DENND2A: variants seen among roughly 807,000 people sequenced by gnomAD.
The protein encoded by DENND2A is DENN domain-containing protein 2A.
Under a neutral mutation model 105.3 loss-of-function variants are expected in DENND2A, and 53 were observed. That is an observed-to-expected ratio of 0.50 (90% CI 0.40 to 0.63). The LOEUF is 0.63. Among genes scored for constraint, DENND2A ranks in the 30% least tolerant of loss-of-function variants. DENND2A has a pLI of 0.00. For synonymous variants in DENND2A, 522 were observed against 508.4 expected (o/e 1.03, Z -0.36); for missense variants, 1,138 against 1,279.6 (o/e 0.89, Z 1.69).
intron 14 of DENND2A, among the ~76,000 whole-genome samples, chr7:140,542,369 T>C (rs1395203793): frequency 2.0e-5 from 3 of 151,850 alleles, no homozygotes; most frequent in Non-Finnish European, 4.4e-5. Context: ...GGGCACTGAG[T>C]TTGTGTGTGT....
At chr7:140,519,512 C>T (rs539076024) in intron 19 of DENND2A, 120 bp downstream of exon 19, 8 of 788,552 alleles carry the variant, frequency 1.0e-5, no homozygotes, top group South Asian at 1.7e-5. Context: ...ATCTGCCCAG[C>T]GCAGGCCGTA....
Position 140,527,608 on chromosome 7 carries a change from A to T in DENND2A, c.2328-113T>A, listed in dbSNP as rs1796111258. ...GATGACTAGGAAAGGACACACGTGG[A>T]TGTGGATCCGGTGGAGCACATGATG... On this transcript the variant is annotated intron_variant, in intron 14 of 19. Coordinates refer to ENST00000496613, the MANE Select transcript of DENND2A (RefSeq NM_015689.5). This position sits in a 1 kb window ranked among gnomAD's most constrained non-coding sequence, Gnocchi z 4.9. 6 of 1,153,104 alleles carry T rather than the reference A, an allele frequency of 5.2e-6. No individual in the cohort carries two copies. The highest frequency in any genetic ancestry group is 4.7e-5 in the African/African-American group (3 of 64,070). The allele number at this position is 1,153,104 out of a possible 1,614,324, so 71.4% of individuals were successfully genotyped here.
intron 1 of DENND2A, among the ~76,000 whole-genome samples, chr7:140,625,676 C>T (rs1301475069): frequency 1.3e-5 from 2 of 151,900 alleles, no homozygotes; most frequent in African/African-American, 4.8e-5. Context: ...AGCGAGACTC[C>T]GCCTCAAAAA....
intron 15 of DENND2A, among the ~76,000 whole-genome samples, chr7:140,526,274 G>T (rs908268953): frequency 6.6e-6 from 1 of 152,182 alleles, no homozygotes; most frequent in Non-Finnish European, 1.5e-5. Context: ...ACTGCTGAAG[G>T]CTTTCAGGAT....
chr7:140,550,134 T>A (rs1046310063), intron 12 of DENND2A, among the ~76,000 whole-genome samples: 1 of 1,270 alleles, frequency 7.9e-4, no homozygotes, highest in Non-Finnish European at 1.7e-3. Context: ...GGGATAGGGG[T>A]GGGGTTAGGG....
intron 5 of DENND2A, among the ~76,000 whole-genome samples, chr7:140,579,629 T>C (rs1798452782): frequency 6.6e-6 from 1 of 151,928 alleles, no homozygotes; most frequent in South Asian, 2.1e-4. Flanking sequence ...CTGACCTCAG[T>C]TGATTCGCCT....
At position 140,640,128 on chromosome 7, in the gene DENND2A, C is replaced by T. The variant is rs910061414; in HGVS notation, c.-248+376G>A. 6.5e-6 allele frequency: 1 copy of T among 152,716 alleles called. No individual in the cohort carries two copies. The highest frequency in any genetic ancestry group is 1.5e-5 in the Non-Finnish European group (1 of 68,528). 9.5% of individuals were successfully genotyped at this position (152,716 alleles called of 1,614,324 possible). A position where few individuals can be genotyped will look rare whatever the true frequency, so the allele number is the denominator to read the frequency against. ...ACACTCACACACACTCGCACAGACA[C>T]ACTCACACACAGACACACAAGCGCG... On this transcript the variant is annotated intron_variant, in intron 1 of 19. Coordinates refer to ENST00000496613, the MANE Select transcript of DENND2A (RefSeq NM_015689.5). The surrounding 1 kb of genome is among the most constrained non-coding windows in gnomAD (Gnocchi z 4.9).
intron 8 of DENND2A, 49 bp downstream of exon 8, chr7:140,568,714 A>C: frequency 1.2e-6 from 2 of 1,604,638 alleles, no homozygotes; most frequent in African/African-American, 2.7e-5. Flanking sequence ...CCACCTTTGC[A>C]GCTTCCAAGT....
intron 12 of DENND2A, among the ~76,000 whole-genome samples, chr7:140,551,299 C>CAAAAAAAAA (rs529992901): frequency 1.4e-5 from 1 of 71,742 alleles, no homozygotes; most frequent in African/African-American, 5.2e-5. Flanking sequence ...GACTCCATCT[C>CAAAAAAAAA]AAAAAAAAAA....
intron 16 of DENND2A, among the ~76,000 whole-genome samples, chr7:140,524,398 AT>A (rs1175176112): frequency 1.3e-5 from 2 of 152,202 alleles, no homozygotes; most frequent in African/African-American, 4.8e-5. Context: ...CATTATAAAA[AT>A]ATATGAATGT....
Position 140,640,712 on chromosome 7 carries a change from C to A in DENND2A, c.-456G>T. ...CCCGCCGCGCGCGCTCCCGTGGGGT[C>A]CCCGCCGCCCCCGGCCCCAGCGGCG... On this transcript the variant is annotated 5_prime_UTR_variant, in exon 1 of 20. Coordinates refer to ENST00000496613, the MANE Select transcript of DENND2A (RefSeq NM_015689.5). This position sits in a 1 kb window ranked among gnomAD's most constrained non-coding sequence, Gnocchi z 4.9. The A allele has an allele frequency of 6.7e-6, 1 of 149,370 alleles. No homozygotes were observed. Among genetic ancestry groups the A allele is most frequent in the South Asian group, 1.9e-4 (1 of 5,150 alleles). The allele number at this position is 149,370 out of a possible 1,614,324, so 9.3% of individuals were successfully genotyped here. A position where few individuals can be genotyped will look rare whatever the true frequency, so the allele number is the denominator to read the frequency against.
At chr7:140,602,694 A>G (rs1040684122) in intron 2 of DENND2A, among the ~76,000 whole-genome samples, 152 bp from the exon 3 acceptor site, 1 of 152,136 alleles carries the variant, frequency 6.6e-6, no homozygotes, top group African/African-American at 2.4e-5. Flanking sequence ...CTTTGTGGGC[A>G]GGGTGCAGTG....
chr7:140,620,715 C>T (rs778208948), intron 1 of DENND2A, among the ~76,000 whole-genome samples: 24 of 152,234 alleles, frequency 1.6e-4, no homozygotes, highest in Non-Finnish European at 2.6e-4. Context: ...CACTCCGCAC[C>T]GGTTTTGCTT....
chr7:140,635,871 C>T (rs899864676), intron 1 of DENND2A, among the ~76,000 whole-genome samples: 1 of 152,206 alleles, frequency 6.6e-6, no homozygotes, highest in Non-Finnish European at 1.5e-5. Context: ...AACTGTTGCC[C>T]ACGTCAGACA....
chr7:140,528,567 C>G (rs185519345), intron 14 of DENND2A, among the ~76,000 whole-genome samples: 1 of 151,496 alleles, frequency 6.6e-6, no homozygotes, highest in African/African-American at 2.4e-5. Flanking sequence ...GTCAGGAGTT[C>G]GAGACCAGCC....
chr7:140,519,119 C>A (rs1048107320), intron 19 of DENND2A, among the ~76,000 whole-genome samples: 10 of 152,196 alleles, frequency 6.6e-5, no homozygotes, highest in African/African-American at 2.2e-4. Flanking sequence ...ACAGATATGG[C>A]GCCCTTCACA....
rs369444611 is a variant in DENND2A, at chr7:140,627,084, T to C, written c.-248+13420A>G. On this transcript the variant is annotated intron_variant, in intron 1 of 19. Transcript: ENST00000496613. The stretch of plus-strand genomic sequence containing the variant: ...TGCACCTGTAAAACATTCAGCACAG[T>C]GCATAGCCCAGAAAAAGCGCTCAGC... Among the ~76,000 whole-genome samples, 4 of 152,354 alleles carry C rather than the reference T, an allele frequency of 2.6e-5. No individual in the cohort carries two copies. In the East Asian group the frequency reaches 7.7e-4, roughly 29 times the overall value.
chr7:140,594,505 A>G (rs1229903780), intron 3 of DENND2A, among the ~76,000 whole-genome samples: 1 of 152,114 alleles, frequency 6.6e-6, no homozygotes, highest in African/African-American at 2.4e-5. Context: ...TTTCCCTGAT[A>G]GGCTACACAT....
intron 5 of DENND2A, among the ~76,000 whole-genome samples, chr7:140,585,328 G>A (rs1474303514): frequency 6.6e-6 from 1 of 152,156 alleles, no homozygotes; most frequent in African/African-American, 2.4e-5. Context: ...TGTATGGGAC[G>A]GATGTACCAT....
Sources: allele counts gnomAD v4.1 joint callset (sites outside exome capture counted in the v4.1 genomes callset), GRCh38; gene constraint gnomAD v4.1.1; non-coding constraint Gnocchi (gnomAD v3.1); transcripts MANE v1.5; gene names NCBI Gene and HGNC (gene_info 2026-07-23, HGNC 2026-07-21).